The following TLK1 variants were observed in gnomAD, a reference collection of about 807,000 sequenced individuals.
The protein encoded by TLK1 is tousled like kinase 1.
In TLK1, 24 loss-of-function variants were observed where a neutral mutation model predicts 105.3. The ratio of observed to expected loss-of-function variants is 0.23; its 90% confidence interval spans 0.17 to 0.32. The LOEUF (loss-of-function observed/expected upper bound fraction) is 0.32. Among genes scored for constraint, TLK1 ranks in the 10% least tolerant of loss-of-function variants. TLK1 has a pLI of 1.00. For missense variants in TLK1, 558 were observed against 910.5 expected (o/e 0.61, Z 4.98); for synonymous variants, 321 against 310.4 (o/e 1.03, Z -0.36).
At chr2:171,019,435 A>G (rs762905138) in intron 12 of TLK1, among the ~76,000 whole-genome samples, 3 of 152,220 alleles carry the variant, frequency 2.0e-5, no homozygotes, top group Non-Finnish European at 4.4e-5. Flanking sequence ...GCAATTATTA[A>G]AAGGTGAAAT....
In TLK1 at chr2:171,194,790, C is replaced by A. The variant is rs529943582; in HGVS notation, c.-6+36355G>T. 6.9e-5 allele frequency among the ~76,000 whole-genome samples: 10 copies of A among 143,888 alleles called. No individual in the cohort carries two copies. The East Asian group carries it at 1.8e-3, about 26-fold the overall frequency. The allele number at this position is 143,888 out of a possible 152,430, so 94.4% of individuals were successfully genotyped here. A position where few individuals can be genotyped will look rare whatever the true frequency, so the allele number is the denominator to read the frequency against. ...CCAGATCGCGCCACTGCACTCCAGCCTGGGCGACAGAGCGAGACTCCGTCT... is the reference window on the plus strand; with the variant it reads ...CCAGATCGCGCCACTGCACTCCAGCATGGGCGACAGAGCGAGACTCCGTCT... On this transcript the variant is annotated intron_variant, in intron 1 of 20. Transcript: ENST00000521943.
intron 1 of TLK1, among the ~76,000 whole-genome samples, chr2:171,183,650 T>C (rs779479482): frequency 2.6e-5 from 4 of 152,220 alleles, no homozygotes; most frequent in Non-Finnish European, 4.4e-5. Flanking sequence ...TCTTTCATTG[T>C]ATGGATGCTT....
At chr2:171,200,216 G>T (rs1416128522) in intron 1 of TLK1, among the ~76,000 whole-genome samples, 1 of 152,166 alleles carries the variant, frequency 6.6e-6, no homozygotes, top group Non-Finnish European at 1.5e-5. Context: ...GATACTATTT[G>T]TCAGCATTCC....
chr2:171,141,730 C>G (rs1419134260), intron 1 of TLK1, among the ~76,000 whole-genome samples: 2 of 150,952 alleles, frequency 1.3e-5, no homozygotes, highest in African/African-American at 4.9e-5. Context: ...TCCCTCCCCC[C>G]AAAAAAATCC....
chr2:171,128,051 A>G (rs1230501148), intron 1 of TLK1, among the ~76,000 whole-genome samples: 1 of 152,194 alleles, frequency 6.6e-6, no homozygotes, highest in Non-Finnish European at 1.5e-5. Flanking sequence ...AATCATTCCA[A>G]GTCAGAGTAA....
chr2:171,066,071 G>A (rs924458836), intron 3 of TLK1, among the ~76,000 whole-genome samples: 1 of 152,178 alleles, frequency 6.6e-6, no homozygotes, highest in Non-Finnish European at 1.5e-5. Context: ...ATTCAAGGAT[G>A]ATTTTGAGCT....
At chr2:171,216,597 G>T (rs1483385471) in intron 1 of TLK1, among the ~76,000 whole-genome samples, 2 of 152,148 alleles carry the variant, frequency 1.3e-5, no homozygotes, top group Non-Finnish European at 2.9e-5. Flanking sequence ...GTTGAATTGT[G>T]TCCCTCCTCA....
chr2:171,170,960 G>A (rs1692714982), intron 1 of TLK1, among the ~76,000 whole-genome samples: 1 of 152,080 alleles, frequency 6.6e-6, no homozygotes, highest in Non-Finnish European at 1.5e-5. Context: ...GATATCCAGA[G>A]GGGAAAATAC....
intron 18 of TLK1, among the ~76,000 whole-genome samples, chr2:170,998,633 C>A (rs1217104042): frequency 3.3e-5 from 5 of 152,216 alleles, no homozygotes; most frequent in Non-Finnish European, 5.9e-5. Flanking sequence ...TCTATTATGG[C>A]ATTAAACTAC....
chr2:171,206,572 C>T (rs1319467861), intron 1 of TLK1, among the ~76,000 whole-genome samples: 2 of 152,072 alleles, frequency 1.3e-5, no homozygotes, highest in East Asian at 1.9e-4. Context: ...GCTAGAAGAC[C>T]AGGTCAATAT....
chr2:171,021,178 TTATTA>T (rs1241016612), intron 12 of TLK1, among the ~76,000 whole-genome samples: 2 of 152,274 alleles, frequency 1.3e-5, no homozygotes, highest in South Asian at 2.1e-4. Context: ...TTCCTCTACT[TTATTA>T]TAACAAAACA....
At chr2:171,132,738 G>A (rs1276408888) in intron 1 of TLK1, among the ~76,000 whole-genome samples, 2 of 152,088 alleles carry the variant, frequency 1.3e-5, no homozygotes. Context: ...AATTAGCTGG[G>A]TGGGGTGATC....
intron 1 of TLK1, among the ~76,000 whole-genome samples, chr2:171,230,461 C>G (rs546562569): frequency 6.6e-6 from 1 of 152,092 alleles, no homozygotes; most frequent in Admixed American, 6.6e-5. Context: ...TTTGAAGGCC[C>G]CTATAGAGGA....
intron 1 of TLK1, among the ~76,000 whole-genome samples, chr2:171,146,403 A>G (rs1691793363): frequency 6.6e-6 from 1 of 152,210 alleles, no homozygotes; most frequent in African/African-American, 2.4e-5. Context: ...CCTTGTTATG[A>G]CATCAGCATA....
At chr2:171,165,367 G>A (rs1485681601), upstream of TLK1, among the ~76,000 whole-genome samples, 2 of 152,202 alleles carry the variant, frequency 1.3e-5, no homozygotes, top group Non-Finnish European at 2.9e-5. Flanking sequence ...CAATGCAGGA[G>A]AAGTCTTCAA....
intron 2 of TLK1, among the ~76,000 whole-genome samples, chr2:171,106,262 G>A (rs1023534285): frequency 2.6e-5 from 4 of 152,176 alleles, no homozygotes; most frequent in Non-Finnish European, 4.4e-5. Context: ...GTAAGTCCTG[G>A]TGTTCTATAG....
intron 1 of TLK1, among the ~76,000 whole-genome samples, chr2:171,211,539 C>A (rs1196858492): frequency 1.3e-5 from 2 of 148,570 alleles, no homozygotes; most frequent in Admixed American, 1.3e-4. Context: ...CTAGTGATAT[C>A]TGAGTTAAAT....
intron 3 of TLK1, among the ~76,000 whole-genome samples, chr2:171,061,521 T>C (rs2105446727): frequency 6.6e-6 from 1 of 152,336 alleles, no homozygotes; most frequent in Middle Eastern, 3.4e-3. Flanking sequence ...ATTAAGTTTT[T>C]CCTTAGTTTC....
chr2:171,134,024 T>G (rs935176437), intron 1 of TLK1, among the ~76,000 whole-genome samples: 3 of 152,262 alleles, frequency 2.0e-5, no homozygotes, highest in Admixed American at 2.0e-4. Flanking sequence ...AAATTCATTG[T>G]TATGTGCCCA....
Sources: gnomAD v4.1 joint callset for allele counts (sites outside exome capture counted in the v4.1 genomes callset) on GRCh38, gnomAD v4.1.1 for gene constraint, MANE v1.5 for transcripts, NCBI Gene and HGNC (gene_info 2026-07-23, HGNC 2026-07-21) for gene names.